Variants in NAALAD2 observed in about 807,000 individuals in gnomAD.
The protein encoded by NAALAD2 is N-acetylated alpha-linked acidic dipeptidase 2.
Under a neutral mutation model 95.6 loss-of-function variants are expected in NAALAD2, and 89 were observed. The ratio of observed to expected loss-of-function variants is 0.93; its 90% CI spans 0.78 to 1.11. The LOEUF is 1.11. Ranked by LOEUF, NAALAD2 falls within the 50% of genes least tolerant of loss-of-function variation. The pLI, the probability that NAALAD2 is intolerant of heterozygous loss-of-function variation, is 0.00. For missense variants in NAALAD2, 894 were observed against 872.4 expected, an observed-to-expected ratio of 1.02 and a Z score of -0.31; for synonymous variants, 264 against 294.4, an observed-to-expected ratio of 0.90 and a Z score of 1.06.
At chr11:90,151,438 G>T (rs1951885298) in intron 5 of NAALAD2, among the ~76,000 whole-genome samples, 1 of 151,982 alleles carries the variant, frequency 6.6e-6, no homozygotes, top group South Asian at 2.1e-4. Flanking sequence ...TCTTGAATTT[G>T]TTACTATTAC....
Position 90,147,246 on chromosome 11 carries a change from A to G in NAALAD2, c.195-84A>G, listed in dbSNP as rs951621245. On this transcript the variant is annotated intron_variant, in intron 2 of 18. Coordinates refer to ENST00000534061, the MANE Select transcript of NAALAD2 (RefSeq NM_005467.4). ...GGAATGACAACTTAATGCCCAATGC[A>G]TAAGTAGTGCATTTAGAATAGTTCT... 40 of 1,060,840 alleles carry G rather than the reference A, an allele frequency of 3.8e-5. No individual in the cohort carries two copies. The Admixed American group carries it at 6.8e-4, about 18-fold the overall frequency. 65.7% of individuals were successfully genotyped at this position (1,060,840 alleles called of 1,614,324 possible).
chr11:90,172,901 C>CTA (rs914468352), intron 13 of NAALAD2, among the ~76,000 whole-genome samples: 19 of 152,252 alleles, frequency 1.2e-4, no homozygotes, highest in African/African-American at 4.6e-4. Context: ...GGTGAGAAGA[C>CTA]TAAGGTTCAA....
upstream of NAALAD2, among the ~76,000 whole-genome samples, chr11:90,133,571 C>T (rs1951386914): frequency 6.6e-6 from 1 of 151,934 alleles, no homozygotes; most frequent in South Asian, 2.1e-4. Context: ...ACCCAATAAC[C>T]AATGAGGTAC....
In NAALAD2 at chr11:90,134,840, G is replaced by A. The variant is rs572436536; in HGVS notation, c.82G>A (p.Gly28Ser). The change falls in exon 1 of 19, where the codon GGC becomes AGC. Residue 28 changes from glycine (G) to serine (S), a missense_variant and splice_region_variant. Coordinates refer to ENST00000534061, the MANE Select transcript of NAALAD2 (RefSeq NM_005467.4). The stretch of plus-strand genomic sequence containing the variant: ...ATCTTTCCTGATGGGATTTATGGTG[G>A]GTAAGTGAACAAAACACTCTACCCC... ...LASFLMGFMVGWFIKPLKETT... is the reference protein window; with the variant it reads ...LASFLMGFMVSWFIKPLKETT... The A allele has an allele frequency of 8.7e-6, 14 of 1,614,084 alleles. No individual in the cohort carries two copies. In the East Asian group the frequency reaches 2.9e-4, roughly 33 times the overall value.
chr11:90,134,995 A>G (rs2134809807), intron 1 of NAALAD2, 155 bp downstream of exon 1: 2 of 695,672 alleles, frequency 2.9e-6, no homozygotes, highest in Non-Finnish European at 4.9e-6. Flanking sequence ...GCAAAACTAG[A>G]AACCAGATGG....
intron 11 of NAALAD2, among the ~76,000 whole-genome samples, chr11:90,167,374 C>G (rs933434776): frequency 6.6e-6 from 1 of 152,224 alleles, no homozygotes; most frequent in African/African-American, 2.4e-5. Flanking sequence ...CCTTAGCTGC[C>G]TCCCCGCAGG....
chr11:90,182,179 T>G (rs1952992561), intron 17 of NAALAD2, among the ~76,000 whole-genome samples: 1 of 152,168 alleles, frequency 6.6e-6, no homozygotes, highest in Non-Finnish European at 1.5e-5. Flanking sequence ...TGGATAATTT[T>G]TTTTGCATTT....
chr11:90,159,189 C>A, intron 7 of NAALAD2, 50 bp from the exon 8 acceptor site: 1 of 1,354,712 alleles, frequency 7.4e-7, no homozygotes, highest in South Asian at 1.2e-5. Flanking sequence ...AAAATTTCTC[C>A]TTAGAAATTG....
chr11:90,141,475 A>G (rs1306180135), intron 2 of NAALAD2, among the ~76,000 whole-genome samples: 1 of 152,200 alleles, frequency 6.6e-6, no homozygotes, highest in African/African-American at 2.4e-5. Flanking sequence ...TTTGGAGCAA[A>G]TGCAAATTAT....
At chr11:90,140,995 C>T (rs1160150371) in intron 2 of NAALAD2, among the ~76,000 whole-genome samples, 2 of 152,006 alleles carry the variant, frequency 1.3e-5, no homozygotes, top group African/African-American at 4.8e-5. Flanking sequence ...GCTTTTGCAC[C>T]TTTGTTAAAA....
chr11:90,187,537 T>C (rs35446306), intron 18 of NAALAD2, among the ~76,000 whole-genome samples: 47,805 of 151,872 alleles, frequency 0.31, 8,255 homozygotes, highest in Non-Finnish European at 0.39. Context: ...GCACACTTTT[T>C]CCAATAACTG....
chr11:90,190,811 T>C (rs1380160131), intron 18 of NAALAD2, among the ~76,000 whole-genome samples: 1 of 152,182 alleles, frequency 6.6e-6, no homozygotes, highest in Non-Finnish European at 1.5e-5. Flanking sequence ...TATGGAGCTC[T>C]ATATTGCTTC....
intron 13 of NAALAD2, among the ~76,000 whole-genome samples, chr11:90,173,432 A>G (rs1042753498): frequency 6.6e-6 from 1 of 152,290 alleles, no homozygotes; most frequent in East Asian, 1.9e-4. Flanking sequence ...GGCAAAAATA[A>G]TTTACAAAAG....
intron 2 of NAALAD2, among the ~76,000 whole-genome samples, chr11:90,137,158 A>T (rs551058277): frequency 6.7e-6 from 1 of 150,076 alleles, no homozygotes; most frequent in East Asian, 2.0e-4. Context: ...CTAAAAAAAA[A>T]TTGATCTCAT....
At chr11:90,157,393 T>C (rs889805265) in intron 6 of NAALAD2, among the ~76,000 whole-genome samples, 4 of 152,190 alleles carry the variant, frequency 2.6e-5, no homozygotes, top group Non-Finnish European at 4.4e-5. Flanking sequence ...GGCAATACTT[T>C]TCAATCTTCC....
rs1287207065 is a variant in NAALAD2, at chr11:90,176,076, T to G, written c.1593+14T>G. On this transcript the variant is annotated intron_variant, in intron 15 of 18. Coordinates refer to ENST00000534061, the MANE Select transcript of NAALAD2 (RefSeq NM_005467.4). ...ACTAAGAATAAGGTAAGCCATTTTA[T>G]CATTTTGAATATATAACATTTCATC... 1 of 1,585,768 alleles carries G rather than the reference T, an allele frequency of 6.3e-7. No homozygotes were observed. The highest frequency in any genetic ancestry group is 1.7e-5 in the Admixed American group (1 of 59,906).
chr11:90,133,075 C>CA (rs1222377987), upstream of NAALAD2, among the ~76,000 whole-genome samples: 2 of 151,662 alleles, frequency 1.3e-5, no homozygotes, highest in East Asian at 1.9e-4. Flanking sequence ...AATACAAGGA[C>CA]AAAAAAAAGT....
chr11:90,174,914 A>G (rs1479368668), intron 14 of NAALAD2, among the ~76,000 whole-genome samples: 1 of 152,108 alleles, frequency 6.6e-6, no homozygotes, highest in Non-Finnish European at 1.5e-5. Context: ...ACCTTATAGC[A>G]CTTAACACAA....
At chr11:90,138,920 A>G (rs7109160) in intron 2 of NAALAD2, among the ~76,000 whole-genome samples, 67,971 of 151,158 alleles carry the variant, frequency 0.45, 16,242 homozygotes, top group African/African-American at 0.61. Context: ...CATCTTCAAT[A>G]ATGTAATTTT....
Sources: gnomAD v4.1 joint callset for allele counts (sites outside exome capture counted in the v4.1 genomes callset) on GRCh38, gnomAD v4.1.1 for gene constraint, MANE v1.5 for transcripts, NCBI Gene and HGNC (gene_info 2026-07-23, HGNC 2026-07-21) for gene names.